The following PCDHA9 variants were observed in gnomAD, a reference collection of about 807,000 sequenced individuals.
The protein encoded by PCDHA9 is protocadherin alpha-9.
Under a neutral mutation model 62.0 loss-of-function variants are expected in PCDHA9, and 62 were observed. The observed-to-expected ratio is 1.00, with a 90% CI of 0.81 to 1.23. The LOEUF (loss-of-function observed/expected upper bound fraction) is 1.23, where lower values mean the gene tolerates loss of function less well. PCDHA9 is among the 50% of genes most tolerant of loss of function. The pLI, the probability that PCDHA9 is intolerant of heterozygous loss-of-function variation, is 0.00. For missense variants in PCDHA9, 1,205 were observed against 1,249.8 expected (o/e 0.96, Z 0.54); for synonymous variants, 557 against 567.6 (o/e 0.98, Z 0.27).
intron 1 of PCDHA9, among the ~76,000 whole-genome samples, chr5:140,895,371 T>C (rs1554186488): frequency 1.3e-5 from 2 of 152,304 alleles, no homozygotes; most frequent in East Asian, 3.9e-4. Context: ...TTGGCACTTT[T>C]TGGAGTTCTT....
chr5:140,987,481 G>T (rs1244029095), intron 3 of PCDHA9, among the ~76,000 whole-genome samples: 1 of 152,170 alleles, frequency 6.6e-6, no homozygotes, highest in Non-Finnish European at 1.5e-5. Flanking sequence ...TTGGGAGTCA[G>T]TGACCCTTTC....
At chr5:140,984,612 G>T (rs2097111075) in intron 3 of PCDHA9, among the ~76,000 whole-genome samples, 1 of 152,026 alleles carries the variant, frequency 6.6e-6, no homozygotes, top group Admixed American at 6.6e-5. Flanking sequence ...CTGCATCAGT[G>T]GTGTAAAGTT....
At chr5:140,929,357 G>A (rs1554207016) in intron 1 of PCDHA9, 14 of 1,523,448 alleles carry the variant, frequency 9.2e-6, no homozygotes, top group Non-Finnish European at 1.2e-5. Flanking sequence ...TGATTCCTTT[G>A]GCCCGGAGAT....
intron 1 of PCDHA9, among the ~76,000 whole-genome samples, chr5:140,878,370 T>C (rs1049956194): frequency 6.6e-6 from 1 of 152,272 alleles, no homozygotes; most frequent in African/African-American, 2.4e-5. Context: ...GTCTGACATA[T>C]GATGAATGAT....
intron 1 of PCDHA9, among the ~76,000 whole-genome samples, chr5:140,972,686 AT>A (rs2096549556): frequency 8.3e-6 from 1 of 120,944 alleles, no homozygotes; most frequent in African/African-American, 3.2e-5. Context: ...TTTTTTTGAG[AT>A]GGAGTCTCAC....
At chr5:140,871,802 T>G (rs2053316499) in intron 1 of PCDHA9, among the ~76,000 whole-genome samples, 1 of 152,178 alleles carries the variant, frequency 6.6e-6, no homozygotes, top group South Asian at 2.1e-4. Context: ...TAATTACTAT[T>G]TTCACTAAAG....
intron 1 of PCDHA9, among the ~76,000 whole-genome samples, chr5:140,932,493 T>A (rs148938081): frequency 6.6e-6 from 1 of 152,006 alleles, no homozygotes; most frequent in East Asian, 1.9e-4. Context: ...CTTTGCAATG[T>A]CATTTGTTAA....
chr5:140,869,243 G>A (rs1554162716), intron 1 of PCDHA9: 10 of 1,613,544 alleles, frequency 6.2e-6, no homozygotes, highest in African/African-American at 2.7e-5. Flanking sequence ...TTCGTGGGCC[G>A]CATCGCGCAG....
Position 141,010,119 on chromosome 5 carries a change from A to G in PCDHA9, c.*182A>G. 6.2e-7 allele frequency: 1 copy of G among 1,608,062 alleles called. No homozygotes were observed. On this transcript the variant is annotated 3_prime_UTR_variant, in exon 4 of 4. Transcript: ENST00000532602. ...TAACAGGTTTTGTCGTAAAAGCTTT[A>G]CTAAGTCTGGTGTTAACTCTTTCTC...
intron 1 of PCDHA9, chr5:140,884,452 C>G (rs1203873823): frequency 6.2e-7 from 1 of 1,613,664 alleles, no homozygotes; most frequent in African/African-American, 1.3e-5. Context: ...CACCGCCCAC[C>G]GAGGGCGCGT....
rs2150415318 is a variant in PCDHA9 at position 140,848,621 on chromosome 5, C to T, written c.126C>T (p.Gly42=). Residue 42 remains glycine, a synonymous_variant, in exon 1 of 4, where the codon GGC becomes GGT. Coordinates refer to ENST00000532602, the MANE Select transcript of PCDHA9 (RefSeq NM_031857.2). ...CCGTCCCGGAGGAAGCCGAACACGGCACCTTCGTGGGCCGCATCGCGCAGG... is the reference window on the plus strand; with the variant it reads ...CCGTCCCGGAGGAAGCCGAACACGGTACCTTCGTGGGCCGCATCGCGCAGG... ...HYSVPEEAEH[G]TFVGRIAQDL... 1 of 1,593,480 alleles carries T rather than the reference C, an allele frequency of 6.3e-7. No homozygotes were observed. Among genetic ancestry groups the T allele is most frequent in the Non-Finnish European group, 8.6e-7 (1 of 1,163,960 alleles).
In PCDHA9 at chr5:140,850,739, G is replaced by A; in HGVS notation, c.2244G>A (p.Trp748Ter). The A allele has an allele frequency of 1.3e-6, 2 of 1,598,040 alleles. No homozygotes were observed. Among genetic ancestry groups the A allele is most frequent in the Non-Finnish European group, 1.7e-6 (2 of 1,167,668 alleles). The change falls in exon 1 of 4, where the codon TGG (tryptophan) becomes TGA (stop). Residue 748 changes from tryptophan to a stop codon, truncating the protein, a stop_gained. Transcript: ENST00000532602. LOFTEE classifies it high-confidence loss of function. ...TLVCSSAVGSWSYSQQRRQRV... is the reference protein window; with the variant it reads ...TLVCSSAVGS ...TGTGTTCTAGCGCGGTGGGGAGTTG[G>A]TCGTACTCGCAGCAGAGGAGGCAGA...
At chr5:140,853,407 GA>G (rs1453850147) in intron 1 of PCDHA9, 1 of 986,146 alleles carries the variant, frequency 1.0e-6, no homozygotes, top group African/African-American at 1.8e-5. Flanking sequence ...TCAAAACAGA[GA>G]GGTGAAAGCA....
At chr5:140,908,493 G>A (rs545927854) in intron 1 of PCDHA9, among the ~76,000 whole-genome samples, 1 of 152,152 alleles carries the variant, frequency 6.6e-6, no homozygotes, top group African/African-American at 2.4e-5. Flanking sequence ...AGTTCAGGTT[G>A]CTTGGTGACT....
intron 3 of PCDHA9, among the ~76,000 whole-genome samples, chr5:140,997,511 G>T (rs565737825): frequency 6.6e-6 from 1 of 151,992 alleles, no homozygotes; most frequent in Non-Finnish European, 1.5e-5. Flanking sequence ...ATACCTAAAC[G>T]CAGAAAAAGT....
At chr5:140,909,484 G>A (rs981292788) in intron 1 of PCDHA9, among the ~76,000 whole-genome samples, 1 of 152,180 alleles carries the variant, frequency 6.6e-6, no homozygotes, top group African/African-American at 2.4e-5. Context: ...CTAAATAGGA[G>A]AGCTGAACGG....
At chr5:140,985,608 G>A (rs76669319) in intron 3 of PCDHA9, among the ~76,000 whole-genome samples, 1,553 of 152,166 alleles carry the variant, frequency 0.01, 12 homozygotes, top group Middle Eastern at 0.054. Context: ...AGCCCTTTCC[G>A]TGAACCAGCT....
At chr5:140,967,331 C>T (rs2096128497) in intron 1 of PCDHA9, 1 of 1,608,078 alleles carries the variant, frequency 6.2e-7, no homozygotes, top group African/African-American at 1.3e-5. Context: ...CGAGCTCAGC[C>T]CCAGCGAGCA....
chr5:140,915,615 A>C (rs948306385), intron 1 of PCDHA9, among the ~76,000 whole-genome samples: 5 of 142,332 alleles, frequency 3.5e-5, no homozygotes, highest in Admixed American at 7.1e-5. Flanking sequence ...TCTGTCAAAC[A>C]GTCTCTTTCT....
Sources: allele counts gnomAD v4.1 joint callset (sites outside exome capture counted in the v4.1 genomes callset), GRCh38; gene constraint gnomAD v4.1.1; transcripts MANE v1.5; gene names NCBI Gene and HGNC (gene_info 2026-07-23, HGNC 2026-07-21).